Variants in MORN1 observed in about 807,000 individuals in gnomAD.
The protein encoded by MORN1 is MORN repeat-containing protein 1.
MORN1 carries 67 observed loss-of-function variants against 61.9 expected under a neutral mutation model. The ratio of observed to expected loss-of-function variants is 1.08; its 90% CI spans 0.89 to 1.33. MORN1 has a LOEUF of 1.33. Ranked by LOEUF, MORN1 falls within the 40% of genes most tolerant of loss-of-function variation. MORN1 has a pLI of 0.00. For missense variants in MORN1, 752 were observed against 691.2 expected, an observed-to-expected ratio of 1.09 and a Z score of -0.99; for synonymous variants, 301 against 292.0, an observed-to-expected ratio of 1.03 and a Z score of -0.31.
At chr1:2,381,294 G>A (rs1252873353) in intron 6 of MORN1, among the ~76,000 whole-genome samples, 3 of 152,248 alleles carry the variant, frequency 2.0e-5, no homozygotes, top group South Asian at 2.1e-4. Flanking sequence ...CCTTCTCAGC[G>A]TCTACATCGG....
intron 3 of MORN1, chr1:2,387,936 C>T: frequency 2.3e-6 from 1 of 434,952 alleles, no homozygotes; most frequent in Non-Finnish European, 4.1e-6. Context: ...GCAACGAATC[C>T]CCAGAGCTGG....
intron 10 of MORN1, chr1:2,355,289 G>C: frequency 6.9e-7 from 1 of 1,448,994 alleles, no homozygotes; most frequent in Non-Finnish European, 9.1e-7. Flanking sequence ...GCCCCCCGTG[G>C]GCCTGTTGGC....
chr1:2,370,085 C>T (rs533062693), intron 8 of MORN1, among the ~76,000 whole-genome samples: 7 of 152,202 alleles, frequency 4.6e-5, no homozygotes, highest in Admixed American at 1.3e-4. Flanking sequence ...AATTGGAAAA[C>T]GTGCTAAAAG....
intron 8 of MORN1, 134 bp from the exon 9 acceptor site, chr1:2,358,849 T>C (rs2840544): frequency 0.45 from 504,623 of 1,120,502 alleles, 117,667 homozygotes; most frequent in African/African-American, 0.74. Context: ...GTGACCCTGG[T>C]GGGCTGAGGA....
At chr1:2,374,353 C>T in intron 7 of MORN1, 108 bp downstream of exon 7, 1 of 901,528 alleles carries the variant, frequency 1.1e-6, no homozygotes, top group Non-Finnish European at 1.7e-6. Context: ...TTTGCCCCAC[C>T]CCTCCCCAGT....
At chr1:2,377,019 A>T (rs1328842162) in intron 6 of MORN1, 1 of 152,224 alleles carries the variant, frequency 6.6e-6, no homozygotes, top group Non-Finnish European at 1.5e-5. Flanking sequence ...GGGAGCACCC[A>T]GGCACAGTCC....
chr1:2,362,949 A>G (rs1258558185), intron 8 of MORN1: 6 of 152,212 alleles, frequency 3.9e-5, no homozygotes, highest in African/African-American at 1.4e-4. Context: ...ACTACAAGAA[A>G]TGTTAAAGAT....
At chr1:2,342,223 C>T (rs1483742724) in intron 10 of MORN1, among the ~76,000 whole-genome samples, 1 of 152,220 alleles carries the variant, frequency 6.6e-6, no homozygotes, top group Non-Finnish European at 1.5e-5. Context: ...AATTCATTAT[C>T]TTTTTACGGC....
chr1:2,385,966 C>T, intron 4 of MORN1, 69 bp from the exon 5 acceptor site: 2 of 1,420,040 alleles, frequency 1.4e-6, no homozygotes, highest in Non-Finnish European at 1.0e-6. Context: ...GATCTGCCCT[C>T]CGCTCCTTGG....
Position 2,385,907 on chromosome 1 carries a change from G to C in MORN1, c.359-10C>G. ...ACCAGAAACCCGTGTCCTGGAGAAG[G>C]GACCGAGAGACAGACTTGGCTTTGT... On this transcript the variant is annotated splice_polypyrimidine_tract_variant and intron_variant, in intron 4 of 13. Coordinates refer to ENST00000378531, the MANE Select transcript of MORN1 (RefSeq NM_024848.3). 1 of 1,613,062 alleles carries C rather than the reference G, an allele frequency of 6.2e-7. No individual in the cohort carries two copies. Among genetic ancestry groups the C allele is most frequent in the African/African-American group, 1.3e-5 (1 of 75,030 alleles).
chr1:2,357,032 C>T lies in MORN1; in HGVS notation c.1036+400G>A, dbSNP rs377699617. Among the ~76,000 whole-genome samples the T allele has an allele frequency of 1.3e-5, 2 of 152,142 alleles. No individual in the cohort carries two copies. The highest frequency in any genetic ancestry group is 2.1e-4 in the South Asian group (1 of 4,836). On this transcript the variant is annotated intron_variant, in intron 10 of 13. Transcript: ENST00000378531. The surrounding 1 kb of genome is among the most constrained non-coding windows in gnomAD (Gnocchi z 6.3). ...GACCTCGAGAGAGCAGTCGGCGCCG[C>T]GGCCCCCAGAGCCATGGCCGGCGGC...
At chr1:2,344,129 C>T (rs1177614753) in intron 10 of MORN1, among the ~76,000 whole-genome samples, 1 of 152,226 alleles carries the variant, frequency 6.6e-6, no homozygotes, top group African/African-American at 2.4e-5. Context: ...AAATGCCCTA[C>T]AAAGCAGAGA....
chr1:2,371,374 A>G (rs1446962659), intron 8 of MORN1: 1 of 152,180 alleles, frequency 6.6e-6, no homozygotes, highest in Non-Finnish European at 1.5e-5. Flanking sequence ...ATTTGAATAG[A>G]CATTTCTCCA....
chr1:2,389,367 C>G (rs997539226), intron 2 of MORN1, among the ~76,000 whole-genome samples: 1 of 152,228 alleles, frequency 6.6e-6, no homozygotes, highest in African/African-American at 2.4e-5. Flanking sequence ...CTCCTGTGTT[C>G]AAGGGATTCT....
intron 10 of MORN1, among the ~76,000 whole-genome samples, chr1:2,347,957 G>T (rs1401186123): frequency 6.6e-6 from 1 of 152,204 alleles, no homozygotes; most frequent in Non-Finnish European, 1.5e-5. Flanking sequence ...TTACAAACCG[G>T]GAAGTTTTTC....
chr1:2,338,698 G>A (rs995997198), intron 10 of MORN1, among the ~76,000 whole-genome samples: 26 of 152,306 alleles, frequency 1.7e-4, no homozygotes, highest in Admixed American at 1.5e-3. Flanking sequence ...CATTCCTGGC[G>A]TGCAAATAAA....
At chr1:2,376,840 G>C (rs1261612036) in intron 6 of MORN1, 7 of 152,068 alleles carry the variant, frequency 4.6e-5, no homozygotes, top group Non-Finnish European at 7.4e-5. Flanking sequence ...TCTAATTCAC[G>C]TTATCAATCA....
chr1:2,322,517 G>T, intron 13 of MORN1: 2 of 985,352 alleles, frequency 2.0e-6, no homozygotes, highest in African/African-American at 1.7e-5. Context: ...AGCCTCGGGG[G>T]CCGGGAGGAA....
chr1:2,348,718 C>T (rs1176323243), intron 10 of MORN1, among the ~76,000 whole-genome samples: 6 of 131,338 alleles, frequency 4.6e-5, no homozygotes, highest in Non-Finnish European at 6.5e-5. Context: ...CACACCTGCG[C>T]GGGCACGCAC....
Sources: allele counts gnomAD v4.1 joint callset (sites outside exome capture counted in the v4.1 genomes callset), GRCh38; gene constraint gnomAD v4.1.1; non-coding constraint Gnocchi (gnomAD v3.1); transcripts MANE v1.5; gene names NCBI Gene and HGNC (gene_info 2026-07-23, HGNC 2026-07-21).